Variants in ZC3H12B observed in about 807,000 individuals in gnomAD.
ZC3H12B encodes the protein zinc finger CCCH-type containing 12B.
A neutral mutation model predicts 43.9 loss-of-function variants in ZC3H12B; 7 were observed. The ratio of observed to expected loss-of-function variants is 0.16; its 90% CI spans 0.09 to 0.30. The LOEUF is 0.30. Among genes scored for constraint, ZC3H12B ranks in the 10% least tolerant of loss-of-function variants. The pLI, the probability that ZC3H12B is intolerant of heterozygous loss-of-function variation, is 1.00. For synonymous variants in ZC3H12B, 222 were observed against 241.7 expected (o/e 0.92, Z 0.76); for missense variants, 475 against 670.2 (o/e 0.71, Z 3.22).
chrX:65,366,336 A>G (rs1400460268), upstream of ZC3H12B, among the ~76,000 whole-genome samples: 1 of 111,760 alleles, frequency 8.9e-6, no homozygotes, highest in Non-Finnish European at 1.9e-5. Flanking sequence ...CATGATGGTC[A>G]TCTGTCCTGA....
At chrX:65,104,562 GA>G in the ZC3H12B span, among the ~76,000 whole-genome samples, 204 of 111,133 alleles carry the variant, frequency 1.8e-3, no homozygotes, top group Non-Finnish European at 3.3e-3. Context: ...AAATTTACAA[GA>G]AAAAAATCAA....
the ZC3H12B span, among the ~76,000 whole-genome samples, chrX:65,167,223 G>C: frequency 9.0e-6 from 1 of 111,675 alleles, no homozygotes; most frequent in Non-Finnish European, 1.9e-5. Context: ...TTTTGTATAA[G>C]GTGTAAGGAA....
At chrX:65,319,828 A>G in the ZC3H12B span, among the ~76,000 whole-genome samples, 2 of 111,465 alleles carry the variant, frequency 1.8e-5, no homozygotes, top group African/African-American at 3.3e-5. Context: ...ACACCACATG[A>G]TCATATCAGA....
chrX:65,202,061 G>A, the ZC3H12B span, among the ~76,000 whole-genome samples: 956 of 77,753 alleles, frequency 0.012, 26 homozygotes, highest in African/African-American at 0.05. Flanking sequence ...TATATTATAT[G>A]TAATATATAT....
intron 2 of ZC3H12B, among the ~76,000 whole-genome samples, chrX:65,386,530 T>A (rs1430637349): frequency 8.1e-5 from 9 of 111,717 alleles, no homozygotes; most frequent in Admixed American, 6.7e-4. Context: ...ATTTGATTCT[T>A]CTCTCTTTTC....
the ZC3H12B span, among the ~76,000 whole-genome samples, chrX:65,354,026 T>G: frequency 5.4e-5 from 6 of 111,240 alleles, no homozygotes. Flanking sequence ...AAGGGGCGGT[T>G]GTGGGCGCAG....
the ZC3H12B span, among the ~76,000 whole-genome samples, chrX:65,162,409 A>C: frequency 1.8e-5 from 2 of 112,156 alleles, no homozygotes; most frequent in South Asian, 7.4e-4. Context: ...TACACCAATC[A>C]GACGTAGATT....
At chrX:65,369,932 G>A (rs2066223047) in intron 2 of ZC3H12B, among the ~76,000 whole-genome samples, 1 of 110,887 alleles carries the variant, frequency 9.0e-6, no homozygotes, top group Non-Finnish European at 1.9e-5. Context: ...TATAATTTAG[G>A]AGTATTTAGG....
At chrX:65,196,425 G>C in the ZC3H12B span, among the ~76,000 whole-genome samples, 1 of 111,466 alleles carries the variant, frequency 9.0e-6, no homozygotes, top group African/African-American at 3.3e-5. Flanking sequence ...TTTGGGTCAA[G>C]CTGAGGTTTT....
At chrX:65,115,243 A>G in the ZC3H12B span, among the ~76,000 whole-genome samples, 2 of 108,749 alleles carry the variant, frequency 1.8e-5, no homozygotes, top group South Asian at 4.0e-4. Flanking sequence ...CCAATGTACT[A>G]TTCTTATGCC....
intron 2 of ZC3H12B, among the ~76,000 whole-genome samples, chrX:65,386,364 T>G (rs1251309483): frequency 9.0e-6 from 1 of 111,702 alleles, no homozygotes; most frequent in Admixed American, 9.5e-5. Context: ...TTCTTCCTGG[T>G]TTAGTCTTGG....
chrX:65,444,366 TG>T (rs2067347178), intron 3 of ZC3H12B, among the ~76,000 whole-genome samples: 2 of 111,900 alleles, frequency 1.8e-5, no homozygotes, highest in African/African-American at 3.3e-5. Flanking sequence ...TATCGAATAA[TG>T]GGGGCAGGTC....
At chrX:65,496,158 G>T (rs1004797896) in intron 1 of ZC3H12B, among the ~76,000 whole-genome samples, 3 of 111,861 alleles carry the variant, frequency 2.7e-5, no homozygotes, top group Non-Finnish European at 5.6e-5. Context: ...TACAAAATCG[G>T]TGTTACATTA....
At chrX:65,220,610 A>G in the ZC3H12B span, among the ~76,000 whole-genome samples, 9 of 112,296 alleles carry the variant, frequency 8.0e-5, no homozygotes, top group Non-Finnish European at 1.5e-4. Context: ...ATAGAGGGAC[A>G]TTATGTATTG....
chrX:65,223,449 G>A, the ZC3H12B span, among the ~76,000 whole-genome samples: 15 of 112,462 alleles, frequency 1.3e-4, no homozygotes, highest in Non-Finnish European at 1.3e-4. Flanking sequence ...AAAAGTAAAT[G>A]CAACAAAGAC....
chrX:65,346,726 C>A, the ZC3H12B span, among the ~76,000 whole-genome samples: 2,330 of 112,214 alleles, frequency 0.021, 29 homozygotes, highest in Non-Finnish European at 0.031. Flanking sequence ...TGCAGCTCAG[C>A]AAGGCTGCTG....
the ZC3H12B span, among the ~76,000 whole-genome samples, chrX:65,163,758 G>A: frequency 2.7e-5 from 3 of 111,349 alleles, no homozygotes; most frequent in East Asian, 2.9e-4. Context: ...TTCAGCTCAC[G>A]CATGTTGCAC....
chrX:65,373,897 A>ATATATATATATATATAC (rs1215963583), intron 2 of ZC3H12B, among the ~76,000 whole-genome samples: 483 of 27,337 alleles, frequency 0.018, 29 homozygotes, highest in African/African-American at 0.08. Flanking sequence ...GTATAGTAAT[A>ATATATATATATATATAC]TATATATATA....
chrX:65,238,947 G>A, the ZC3H12B span, among the ~76,000 whole-genome samples: 1 of 111,970 alleles, frequency 8.9e-6, no homozygotes, highest in Admixed American at 9.5e-5. Flanking sequence ...TGGTCTGAAA[G>A]ACTTTCTTAT....
Sources: gnomAD v4.1 joint callset for allele counts (sites outside exome capture counted in the v4.1 genomes callset) on GRCh38, gnomAD v4.1.1 for gene constraint, MANE v1.5 for transcripts, NCBI Gene and HGNC (gene_info 2026-07-23, HGNC 2026-07-21) for gene names.